The following NCOA6 variants were observed in gnomAD, a reference collection of about 807,000 sequenced individuals.
NCOA6 encodes the protein NRC RAP250.
NCOA6 carries 49 observed loss-of-function variants against 171.4 expected under a neutral mutation model. The ratio of observed to expected loss-of-function variants is 0.29; its 90% confidence interval spans 0.23 to 0.36. NCOA6 has a LOEUF of 0.36. NCOA6 is among the 10% of genes least tolerant of loss of function. The pLI, the probability that NCOA6 is intolerant of heterozygous loss-of-function variation, is 1.00. For missense variants in NCOA6, 2,248 were observed against 2,554.5 expected (o/e 0.88, Z 2.59); for synonymous variants, 910 against 927.5 (o/e 0.98, Z 0.34).
At chr20:34,788,687 T>C (rs1303394726) in intron 2 of NCOA6, among the ~76,000 whole-genome samples, 1 of 152,194 alleles carries the variant, frequency 6.6e-6, no homozygotes, top group South Asian at 2.1e-4. Flanking sequence ...GTAAACAGCC[T>C]GTAATTCCAG....
rs201362806 is a variant in NCOA6 at position 34,742,677 on chromosome 20, G to A, written c.3579C>T (p.His1193=). 4.8e-4 allele frequency: 779 copies of A among 1,614,080 alleles called. 3 individuals are homozygous for A. The highest frequency in any genetic ancestry group is 9.9e-4 in the Middle Eastern group (6 of 6,084). The change falls in exon 11 of 15, where the codon CAC becomes CAT. Residue 1193 remains histidine, a synonymous_variant. Transcript: ENST00000359003. ...QPPVNSLPSS[H]GHHFPNVAAP... ...CAGCCACATTTGGGAAGTGGTGGCC[G>A]TGAGAGCTGGGCAGGGAATTTACAG...
chr20:34,770,102 C>T (rs1464920140), intron 4 of NCOA6, among the ~76,000 whole-genome samples: 1 of 151,260 alleles, frequency 6.6e-6, no homozygotes, highest in Non-Finnish European at 1.5e-5. Flanking sequence ...CGCAGTGGTG[C>T]AATCTCGGCT....
Position 34,768,582 on chromosome 20 carries a change from T to G in NCOA6, c.396A>C (p.Glu132Asp). ...LGILSVQIEG[E>D]GAINLALAQN... Reference sequence around the variant, plus strand: ...GAGCCAAAGCCAGGTTAATAGCACCTTCCCCTGAAAATGAGTCAAGTGATA... The same window carrying G: ...GAGCCAAAGCCAGGTTAATAGCACCGTCCCCTGAAAATGAGTCAAGTGATA... Residue 132 changes from glutamate (E) to aspartate (D), a missense_variant, in exon 5 of 15, where the codon GAA (glutamate) becomes GAC (aspartate). Physicochemically the swap from Glu to Asp is conservative, Grantham distance 45. This residue lies in a region of NCOA6 where 987 missense variants were observed against 1,104.7 expected (regional missense o/e 0.89). Transcript: ENST00000359003. 6.2e-7 allele frequency: 1 copy of G among 1,612,462 alleles called. No homozygotes were observed. Among genetic ancestry groups the G allele is most frequent in the Non-Finnish European group, 8.5e-7 (1 of 1,179,574 alleles).
intron 1 of NCOA6, among the ~76,000 whole-genome samples, chr20:34,804,023 A>G (rs1033560505): frequency 1.3e-5 from 2 of 150,668 alleles, no homozygotes; most frequent in East Asian, 3.9e-4. Context: ...TAGACAACAC[A>G]GTGAGATTCC....
intron 1 of NCOA6, among the ~76,000 whole-genome samples, chr20:34,809,081 C>T (rs907452354): frequency 6.6e-6 from 1 of 152,122 alleles, no homozygotes; most frequent in African/African-American, 2.4e-5. Context: ...CAAATAAATG[C>T]TTATTTTGCT....
At position 34,782,286 on chromosome 20, in the gene NCOA6, A is replaced by G; in HGVS notation, c.70T>C (p.Ser24Pro). ...TSLCSSTMED[S>P]EMDFDSGLED... The stretch of plus-strand genomic sequence containing the variant: ...AGTCCAGAGTCAAAATCCATCTCTG[A>G]GTCTTCCATTGTTGATGAACACAAG... Residue 24 changes from serine to proline, a missense_variant, in exon 3 of 15, where the codon TCA (serine) becomes CCA (proline). Ser to Pro is a moderately conservative substitution (Grantham distance 74). Transcript: ENST00000359003. 1 of 1,613,060 alleles carries G rather than the reference A, an allele frequency of 6.2e-7. No homozygotes were observed. The highest frequency in any genetic ancestry group is 8.5e-7 in the Non-Finnish European group (1 of 1,179,616).
intron 5 of NCOA6, among the ~76,000 whole-genome samples, chr20:34,767,297 T>C (rs1304488389): frequency 6.6e-6 from 1 of 151,708 alleles, no homozygotes; most frequent in Non-Finnish European, 1.5e-5. Context: ...CAGAATAGCA[T>C]TTTTTTTGTT....
chr20:34,787,453 G>C (rs1412944065), intron 2 of NCOA6, among the ~76,000 whole-genome samples: 2 of 151,836 alleles, frequency 1.3e-5, no homozygotes, highest in Non-Finnish European at 2.9e-5. Context: ...TTGAGCCTGG[G>C]AAGTCAAGGC....
chr20:34,766,345 C>T (rs1277152121), intron 5 of NCOA6, among the ~76,000 whole-genome samples: 1 of 152,006 alleles, frequency 6.6e-6, no homozygotes, highest in Non-Finnish European at 1.5e-5. Context: ...GGTACGGTGG[C>T]TCAGTTCATG....
intron 14 of NCOA6, among the ~76,000 whole-genome samples, chr20:34,719,449 G>C (rs1020581199): frequency 3.3e-5 from 5 of 152,052 alleles, no homozygotes; most frequent in African/African-American, 1.2e-4. Flanking sequence ...TGGCCAACAA[G>C]GCGAAACCCC....
Position 34,749,454 on chromosome 20 carries a change from G to A in NCOA6, c.2741C>T (p.Pro914Leu), listed in dbSNP as rs764933854. 20 of 1,612,900 alleles carry A rather than the reference G, an allele frequency of 1.2e-5. No homozygotes were observed. Among genetic ancestry groups the A allele is most frequent in the African/African-American group, 2.7e-5 (2 of 74,804 alleles). Reference sequence around the variant, plus strand: ...CTTCCGAGGGGGTTTCTTCTTCTTCGGTTTATTTGCGTTGGTATTATTTTG... The same window carrying A: ...CTTCCGAGGGGGTTTCTTCTTCTTCAGTTTATTTGCGTTGGTATTATTTTG... The part of the protein sequence containing the change: ...NKQNNTNANK[P>L]KKKKPPRKKK... Residue 914 changes from proline (P) to leucine (L), a missense_variant, in exon 9 of 15, where the codon CCG (proline) becomes CTG (leucine). Pro to Leu is a moderately conservative substitution (Grantham distance 98, BLOSUM62 -3). Coordinates refer to ENST00000359003, the MANE Select transcript of NCOA6 (RefSeq NM_014071.5).
At chr20:34,760,133 C>A (rs2076772775) in intron 5 of NCOA6, among the ~76,000 whole-genome samples, 1 of 152,070 alleles carries the variant, frequency 6.6e-6, no homozygotes, top group African/African-American at 2.4e-5. Context: ...AAAAAATCAG[C>A]CAGTGTGGTG....
intron 1 of NCOA6, chr20:34,821,019 G>T (rs1013852387): frequency 5.3e-5 from 8 of 152,254 alleles, no homozygotes; most frequent in Admixed American, 3.9e-4. Context: ...AAATATTCAG[G>T]GGTCTGTGTT....
chr20:34,761,873 C>A (rs544653792), intron 5 of NCOA6, among the ~76,000 whole-genome samples: 98 of 152,244 alleles, frequency 6.4e-4, no homozygotes, highest in African/African-American at 2.2e-3. Flanking sequence ...CCAGGCTGGT[C>A]TTGAACTCCT....
At chr20:34,777,969 A>G (rs144652038) in intron 3 of NCOA6, among the ~76,000 whole-genome samples, 1,815 of 151,956 alleles carry the variant, frequency 0.012, 34 homozygotes, top group African/African-American at 0.042. Context: ...GTGCAATGGC[A>G]TGATCTTGGC....
chr20:34,813,573 G>T (rs887141456), intron 1 of NCOA6, among the ~76,000 whole-genome samples: 1 of 151,964 alleles, frequency 6.6e-6, no homozygotes, highest in African/African-American at 2.4e-5. Flanking sequence ...TAATGGTATT[G>T]TGTTTATGTA....
intron 2 of NCOA6, among the ~76,000 whole-genome samples, chr20:34,788,466 G>T (rs1362769776): frequency 6.6e-6 from 1 of 152,160 alleles, no homozygotes; most frequent in Non-Finnish European, 1.5e-5. Context: ...ACGGAGAGGG[G>T]TGGTAAGTCT....
intron 1 of NCOA6, among the ~76,000 whole-genome samples, chr20:34,806,720 G>A (rs1211455740): frequency 1.3e-5 from 2 of 152,182 alleles, no homozygotes; most frequent in African/African-American, 4.8e-5. Flanking sequence ...CTGTAAACGT[G>A]TGGATTTATT....
chr20:34,767,190 TG>T (rs2077005572), intron 5 of NCOA6, among the ~76,000 whole-genome samples: 1 of 152,192 alleles, frequency 6.6e-6, no homozygotes, highest in Non-Finnish European at 1.5e-5. Context: ...AAGTATTGCT[TG>T]GGGAAGTACA....
Sources: allele counts gnomAD v4.1 joint callset (sites outside exome capture counted in the v4.1 genomes callset), GRCh38; gene constraint gnomAD v4.1.1; regional missense constraint gnomAD v4.1.1; transcripts MANE v1.5; gene names NCBI Gene and HGNC (gene_info 2026-07-23, HGNC 2026-07-21).